Variants in VAPA observed in about 807,000 individuals in gnomAD.
VAPA encodes the protein vesicle-associated membrane protein-associated protein A.
Under a neutral mutation model 25.6 loss-of-function variants are expected in VAPA, and 6 were observed. The ratio of observed to expected loss-of-function variants is 0.23; its 90% CI spans 0.13 to 0.46. The LOEUF is 0.46. Among genes scored for constraint, VAPA ranks in the 20% least tolerant of loss-of-function variants. VAPA has a pLI of 0.99. For synonymous variants in VAPA, 112 were observed against 106.2 expected, an observed-to-expected ratio of 1.05 and a Z score of -0.34; for missense variants, 244 against 302.1, an observed-to-expected ratio of 0.81 and a Z score of 1.43.
chr18:9,947,533 C>G (rs907678960), intron 4 of VAPA: 2 of 152,182 alleles, frequency 1.3e-5, no homozygotes, highest in Non-Finnish European at 1.5e-5. Flanking sequence ...ATAGTGGAAA[C>G]TGGACAAGAT....
intron 1 of VAPA, among the ~76,000 whole-genome samples, chr18:9,918,414 T>G (rs2069130092): frequency 6.6e-6 from 1 of 152,216 alleles, no homozygotes; most frequent in Non-Finnish European, 1.5e-5. Flanking sequence ...ATTCTCTCCT[T>G]AGTCCACGGT....
In VAPA at chr18:9,926,960, A is replaced by G. The variant is rs537714195; in HGVS notation, c.80-4850A>G. Among the ~76,000 whole-genome samples, 4 of 152,272 alleles carry G rather than the reference A, an allele frequency of 2.6e-5. No homozygotes were observed. In the East Asian group the frequency reaches 7.7e-4, roughly 29 times the overall value. On this transcript the variant is annotated intron_variant, in intron 1 of 5. Transcript: ENST00000400000. The stretch of plus-strand genomic sequence containing the variant: ...AGTAACTAGCCTAAATGGGGGTCAC[A>G]GAGTTCATAAATTAATGTTCATGTG...
intron 4 of VAPA, among the ~76,000 whole-genome samples, chr18:9,944,111 A>G (rs1440374528): frequency 1.3e-5 from 2 of 151,830 alleles, no homozygotes; most frequent in Admixed American, 6.6e-5. Context: ...GGCCTCCCAA[A>G]GTGCTGGGAT....
intron 1 of VAPA, among the ~76,000 whole-genome samples, chr18:9,925,819 T>C (rs1027353736): frequency 6.6e-6 from 1 of 152,172 alleles, no homozygotes; most frequent in African/African-American, 2.4e-5. Context: ...ACAATATCAA[T>C]TTAAAAATCT....
intron 1 of VAPA, among the ~76,000 whole-genome samples, chr18:9,915,527 A>C (rs1338965865): frequency 6.6e-6 from 1 of 152,204 alleles, no homozygotes; most frequent in Non-Finnish European, 1.5e-5. Context: ...GTTAAGTGTA[A>C]AGTGAGTCCC....
intron 4 of VAPA, among the ~76,000 whole-genome samples, chr18:9,942,943 G>A (rs1217196925): frequency 1.3e-5 from 2 of 152,144 alleles, no homozygotes; most frequent in Non-Finnish European, 2.9e-5. Context: ...TATCAAGTAT[G>A]TTGTATGCGT....
intron 4 of VAPA, among the ~76,000 whole-genome samples, chr18:9,946,574 A>G (rs2069426438): frequency 6.6e-6 from 1 of 151,906 alleles, no homozygotes; most frequent in South Asian, 2.1e-4. Context: ...GGGAAGCCAG[A>G]AGATTGGACA....
rs1010798618 is a variant in VAPA, at chr18:9,957,815, C to T, written c.*3604C>T. ...GACTTGAATTCTGATGGCAGATAGT[C>T]TCTTGCTTAGTGAGATGGAGTTAAC... is the stretch of plus-strand genomic sequence containing the variant. On this transcript the variant is annotated 3_prime_UTR_variant, in exon 6 of 6. Coordinates refer to ENST00000400000, the MANE Select transcript of VAPA (RefSeq NM_194434.3). 6.6e-6 allele frequency: 1 copy of T among 152,170 alleles called. No individual in the cohort carries two copies. Among genetic ancestry groups the T allele is most frequent in the Non-Finnish European group, 1.5e-5 (1 of 68,036 alleles). The allele number at this position is 152,170 out of a possible 1,614,324, so 9.4% of individuals were successfully genotyped here. A position where few individuals can be genotyped will look rare whatever the true frequency, so the allele number is the denominator to read the frequency against.
At chr18:9,916,501 A>C (rs1175294704) in intron 1 of VAPA, among the ~76,000 whole-genome samples, 1 of 152,200 alleles carries the variant, frequency 6.6e-6, no homozygotes, top group Non-Finnish European at 1.5e-5. Context: ...CACTGCTGTG[A>C]GAGAATGCCT....
Position 9,958,984 on chromosome 18 carries a change from A to G in VAPA, c.*4773A>G, listed in dbSNP as rs999578746. ...TCAAAGCAAAAGGTGGTTTTCAAGT[A>G]TAATGTCGTTTTCAACATGCTTATT... On this transcript the variant is annotated 3_prime_UTR_variant, in exon 6 of 6. Coordinates refer to ENST00000400000, the MANE Select transcript of VAPA (RefSeq NM_194434.3). 2 of 152,224 alleles carry G rather than the reference A, an allele frequency of 1.3e-5. No individual in the cohort carries two copies. The highest frequency in any genetic ancestry group is 4.8e-5 in the African/African-American group (2 of 41,468). 9.4% of individuals were successfully genotyped at this position (152,224 alleles called of 1,614,324 possible). A position where few individuals can be genotyped will look rare whatever the true frequency, so the allele number is the denominator to read the frequency against.
At chr18:9,929,519 A>T (rs148499035) in intron 1 of VAPA, among the ~76,000 whole-genome samples, 1 of 152,138 alleles carries the variant, frequency 6.6e-6, no homozygotes, top group African/African-American at 2.4e-5. Context: ...ATAAAAGTCA[A>T]TGTAAAATGT....
intron 4 of VAPA, among the ~76,000 whole-genome samples, chr18:9,944,516 T>G (rs888377282): frequency 6.6e-6 from 1 of 152,104 alleles, no homozygotes; most frequent in African/African-American, 2.4e-5. Flanking sequence ...GTTTATGAAA[T>G]TGTTCAGATT....
Position 9,914,394 on chromosome 18 carries a change from C to T in VAPA, c.79+59C>T, listed in dbSNP as rs1473205102. 5 of 1,452,652 alleles carry T rather than the reference C, an allele frequency of 3.4e-6. No individual in the cohort carries two copies. The South Asian group carries it at 3.9e-5, about 11-fold the overall frequency. 90.0% of individuals were successfully genotyped at this position (1,452,652 alleles called of 1,614,324 possible). A position where few individuals can be genotyped will look rare whatever the true frequency, so the allele number is the denominator to read the frequency against. On this transcript the variant is annotated intron_variant, in intron 1 of 5. Coordinates refer to ENST00000400000, the MANE Select transcript of VAPA (RefSeq NM_194434.3). ...GGGCGCGCGGACCGCTGGCTGTCGG[C>T]GGGGGGGCGCGGAGGGCACGTCCGC...
intron 4 of VAPA, among the ~76,000 whole-genome samples, chr18:9,942,699 A>T (rs1362425879): frequency 6.6e-6 from 1 of 152,144 alleles, no homozygotes; most frequent in Non-Finnish European, 1.5e-5. Context: ...GGGGGAGCAG[A>T]TGCCTCACGT....
At chr18:9,950,180 CATA>C (rs2069473582) in intron 4 of VAPA, 2 of 480,718 alleles carry the variant, frequency 4.2e-6, no homozygotes, top group East Asian at 7.7e-5. Context: ...TATTAAGATA[CATA>C]ATAAAGTGCT....
At chr18:9,934,596 C>A (rs2069289263) in intron 2 of VAPA, among the ~76,000 whole-genome samples, 1 of 151,972 alleles carries the variant, frequency 6.6e-6, no homozygotes, top group African/African-American at 2.4e-5. Flanking sequence ...TTATTTCTTA[C>A]ATTTATTTAC....
At chr18:9,932,037 T>A in intron 2 of VAPA, 75 bp downstream of exon 2, 1 of 1,107,942 alleles carries the variant, frequency 9.0e-7, no homozygotes, top group Non-Finnish European at 1.3e-6. Flanking sequence ...TTAATAAGGT[T>A]TCATCTGGAG....
chr18:9,953,360 A>G (rs1389034589), intron 5 of VAPA, among the ~76,000 whole-genome samples: 4 of 152,240 alleles, frequency 2.6e-5, no homozygotes, highest in Non-Finnish European at 5.9e-5. Context: ...GTTTCTGAAG[A>G]AACAGTATTC....
At chr18:9,938,825 G>T (rs1419385989) in intron 4 of VAPA, among the ~76,000 whole-genome samples, 1 of 152,186 alleles carries the variant, frequency 6.6e-6, no homozygotes, top group East Asian at 1.9e-4. Context: ...TAGGTAGGAG[G>T]AGTACAGTGA....
Sources: gnomAD v4.1 joint callset for allele counts (sites outside exome capture counted in the v4.1 genomes callset) on GRCh38, gnomAD v4.1.1 for gene constraint, MANE v1.5 for transcripts, NCBI Gene and HGNC (gene_info 2026-07-23, HGNC 2026-07-21) for gene names.